Variants in NBEA observed in about 807,000 individuals in gnomAD.
NBEA encodes lysosomal-trafficking regulator 2.
NBEA carries 44 observed loss-of-function variants against 343.4 expected under a neutral mutation model. The ratio of observed to expected loss-of-function variants is 0.13; its 90% CI spans 0.10 to 0.16. The LOEUF (loss-of-function observed/expected upper bound fraction) is 0.16. Among genes scored for constraint, NBEA ranks in the 10% least tolerant of loss-of-function variants. NBEA has a pLI of 1.00. For missense variants in NBEA, 2,555 were observed against 3,631.3 expected (o/e 0.70, Z 7.62); for synonymous variants, 1,175 against 1,238.7 (o/e 0.95, Z 1.08).
chr13:35,437,800 A>C (rs1350881305), intron 39 of NBEA, among the ~76,000 whole-genome samples: 12 of 152,198 alleles, frequency 7.9e-5, no homozygotes, highest in Admixed American at 5.9e-4. Context: ...ATGAGCTAAT[A>C]GGGAAATGAT....
At chr13:35,142,146 C>G in intron 17 of NBEA, 123 bp from the exon 18 acceptor site, 1 of 510,666 alleles carries the variant, frequency 2.0e-6, no homozygotes. Flanking sequence ...GATGGAAGTT[C>G]ATGAAAATAA....
chr13:35,452,087 A>C lies in NBEA; in HGVS notation c.6305-5A>C. The C allele has an allele frequency of 6.2e-7, 1 of 1,607,908 alleles. No homozygotes were observed. Among genetic ancestry groups the C allele is most frequent in the Non-Finnish European group, 8.5e-7 (1 of 1,176,500 alleles). On this transcript the variant is annotated splice_polypyrimidine_tract_variant and splice_region_variant and intron_variant, in intron 39 of 58. Coordinates refer to ENST00000379939, the MANE Select transcript of NBEA (RefSeq NM_001385012.1). ...CCTAAATGATTATATTTTTGTTGTG[A>C]TTAGGCACGGAAGAAGATGTAGTAA...
At chr13:35,414,713 C>A (rs917564236) in intron 38 of NBEA, among the ~76,000 whole-genome samples, 3 of 152,110 alleles carry the variant, frequency 2.0e-5, no homozygotes, top group Non-Finnish European at 2.9e-5. Flanking sequence ...GTCTTTATAG[C>A]AGCATGATTT....
At chr13:34,982,926 A>G (rs1015598352) in intron 1 of NBEA, among the ~76,000 whole-genome samples, 1 of 152,082 alleles carries the variant, frequency 6.6e-6, no homozygotes, top group South Asian at 2.1e-4. Flanking sequence ...TAATTACTTA[A>G]TATTTCAGTT....
At chr13:35,287,663 A>G (rs1482032205) in intron 34 of NBEA, among the ~76,000 whole-genome samples, 1 of 152,032 alleles carries the variant, frequency 6.6e-6, no homozygotes, top group Non-Finnish European at 1.5e-5. Flanking sequence ...AAAACTGTCA[A>G]AATCATTCAC....
intron 13 of NBEA, among the ~76,000 whole-genome samples, chr13:35,113,191 G>T (rs920423796): frequency 3.3e-5 from 5 of 151,942 alleles, no homozygotes; most frequent in Non-Finnish European, 7.4e-5. Flanking sequence ...TTTTCTGTTT[G>T]TTCATGATGA....
At chr13:35,064,369 A>T (rs928392495) in intron 8 of NBEA, among the ~76,000 whole-genome samples, 1 of 152,026 alleles carries the variant, frequency 6.6e-6, no homozygotes, top group African/African-American at 2.4e-5. Flanking sequence ...ACTTGAAGTT[A>T]AATCTCCTTT....
intron 41 of NBEA, among the ~76,000 whole-genome samples, chr13:35,495,128 C>T (rs2076632688): frequency 6.6e-6 from 1 of 151,676 alleles, no homozygotes; most frequent in Non-Finnish European, 1.5e-5. Context: ...GTGTTTTGAC[C>T]CAGTTTAGGT....
At chr13:35,649,528 A>C in intron 51 of NBEA, 127 bp from the exon 52 acceptor site, 1 of 738,744 alleles carries the variant, frequency 1.4e-6, no homozygotes, top group South Asian at 1.8e-5. Flanking sequence ...ATGAAAGTTT[A>C]GGTGGCTTTT....
chr13:35,354,952 T>G (rs1365991272), intron 38 of NBEA, among the ~76,000 whole-genome samples: 2 of 152,122 alleles, frequency 1.3e-5, no homozygotes, highest in East Asian at 3.9e-4. Flanking sequence ...TTCTAATATT[T>G]TCTTCCAAAC....
At chr13:35,515,626 T>C (rs1027760639) in intron 41 of NBEA, among the ~76,000 whole-genome samples, 3 of 152,248 alleles carry the variant, frequency 2.0e-5, no homozygotes, top group Admixed American at 6.5e-5. Flanking sequence ...GATGAAACAT[T>C]TCAAAATCCA....
chr13:35,164,593 AT>A (rs1291135699), intron 24 of NBEA, 84 bp downstream of exon 24: 1 of 1,400,054 alleles, frequency 7.1e-7, no homozygotes, highest in Non-Finnish European at 9.8e-7. Context: ...CTATAAACAC[AT>A]TTTAACCAGA....
chr13:35,167,702 G>T (rs2070146600), intron 24 of NBEA, among the ~76,000 whole-genome samples: 1 of 151,788 alleles, frequency 6.6e-6, no homozygotes, highest in Non-Finnish European at 1.5e-5. Flanking sequence ...TATTTTTGTT[G>T]TTGTTGATTT....
At chr13:35,473,683 C>G (rs1364790277) in intron 41 of NBEA, among the ~76,000 whole-genome samples, 1 of 152,054 alleles carries the variant, frequency 6.6e-6, no homozygotes, top group Non-Finnish European at 1.5e-5. Context: ...TGTGTTCATC[C>G]TTTTATTAGC....
chr13:35,553,896 G>C (rs575776603), intron 43 of NBEA, among the ~76,000 whole-genome samples: 1 of 152,202 alleles, frequency 6.6e-6, no homozygotes, highest in Non-Finnish European at 1.5e-5. Flanking sequence ...GATTAGATAG[G>C]GCTGCATCTT....
chr13:35,592,291 G>A (rs934192462), intron 46 of NBEA, among the ~76,000 whole-genome samples: 7 of 152,050 alleles, frequency 4.6e-5, no homozygotes, highest in East Asian at 1.9e-4. Flanking sequence ...TTTATTCTTC[G>A]TTCAACAGAT....
At chr13:35,354,424 C>T (rs2040379230) in intron 38 of NBEA, among the ~76,000 whole-genome samples, 2 of 152,122 alleles carry the variant, frequency 1.3e-5, no homozygotes, top group Non-Finnish European at 2.9e-5. Context: ...AATTAGAATA[C>T]AGCTAAAGGA....
chr13:35,131,470 A>G (rs1221661213), intron 17 of NBEA, among the ~76,000 whole-genome samples: 1 of 152,212 alleles, frequency 6.6e-6, no homozygotes, highest in Non-Finnish European at 1.5e-5. Context: ...GATGTGTGCA[A>G]AAAATTTTCA....
intron 40 of NBEA, among the ~76,000 whole-genome samples, chr13:35,462,582 A>G (rs1278505522): frequency 1.3e-5 from 2 of 152,148 alleles, no homozygotes; most frequent in Non-Finnish European, 2.9e-5. Flanking sequence ...CCTGAAGGCC[A>G]CTGTGAGACT....
Sources: allele counts gnomAD v4.1 joint callset (sites outside exome capture counted in the v4.1 genomes callset), GRCh38; gene constraint gnomAD v4.1.1; transcripts MANE v1.5; gene names NCBI Gene and HGNC (gene_info 2026-07-23, HGNC 2026-07-21).